RORA: variants seen among roughly 807,000 people sequenced by gnomAD.
RORA encodes the protein nuclear receptor ROR-alpha.
A neutral mutation model predicts 69.5 loss-of-function variants in RORA; 7 were observed. That is an observed-to-expected ratio of 0.10 (90% CI 0.06 to 0.19). The LOEUF (loss-of-function observed/expected upper bound fraction) is 0.19. Among genes scored for constraint, RORA ranks in the 10% least tolerant of loss-of-function variants. RORA has a pLI of 1.00. For missense variants in RORA, 457 were observed against 663.0 expected (o/e 0.69, Z 3.41); for synonymous variants, 261 against 240.8 (o/e 1.08, Z -0.78).
chr15:61,219,146 A>G (rs1185502761), intron 1 of RORA, among the ~76,000 whole-genome samples: 1 of 152,246 alleles, frequency 6.6e-6, no homozygotes, highest in African/African-American at 2.4e-5. Context: ...TTTAATTAAT[A>G]ATAAAAATGC....
chr15:60,605,394 T>C (rs539375331), intron 2 of RORA, among the ~76,000 whole-genome samples: 20 of 152,306 alleles, frequency 1.3e-4, no homozygotes, highest in African/African-American at 4.3e-4. Flanking sequence ...CAAAACCTAT[T>C]GTATCCCTTA....
intron 2 of RORA, among the ~76,000 whole-genome samples, chr15:60,574,214 C>T (rs932426523): frequency 1.9e-4 from 29 of 152,246 alleles, no homozygotes; most frequent in African/African-American, 6.5e-4. Context: ...GGTTGCTCTG[C>T]GTCTCTGAGT....
chr15:60,946,138 G>C (rs973610160), intron 1 of RORA, among the ~76,000 whole-genome samples: 2 of 152,098 alleles, frequency 1.3e-5, no homozygotes, highest in African/African-American at 4.8e-5. Flanking sequence ...GGTGTGCTGA[G>C]GGTGATTCCG....
intron 1 of RORA, among the ~76,000 whole-genome samples, chr15:60,740,077 G>T (rs928159431): frequency 6.6e-6 from 1 of 152,096 alleles, no homozygotes; most frequent in African/African-American, 2.4e-5. Flanking sequence ...AAGGGAGCGG[G>T]GGAAACTGGA....
intron 1 of RORA, among the ~76,000 whole-genome samples, chr15:61,158,291 T>C (rs2079463432): frequency 6.6e-6 from 1 of 152,170 alleles, no homozygotes; most frequent in South Asian, 2.1e-4. Context: ...AACGAAGACC[T>C]GACAGCCTTC....
At chr15:60,545,747 A>C (rs2067049758) in intron 2 of RORA, among the ~76,000 whole-genome samples, 1 of 152,224 alleles carries the variant, frequency 6.6e-6, no homozygotes, top group Non-Finnish European at 1.5e-5. Flanking sequence ...ACTTTTAGAC[A>C]CTGCAAGTTA....
intron 1 of RORA, among the ~76,000 whole-genome samples, chr15:61,068,032 C>G (rs971465014): frequency 1.3e-5 from 2 of 152,216 alleles, no homozygotes; most frequent in African/African-American, 4.8e-5. Context: ...CACTAGGTCT[C>G]TGAACCAAAG....
intron 1 of RORA, among the ~76,000 whole-genome samples, chr15:61,217,034 G>A (rs1270906571): frequency 2.0e-5 from 3 of 152,168 alleles, no homozygotes; most frequent in Non-Finnish European, 4.4e-5. Context: ...ACAAACAAGT[G>A]CAGCTGAGTC....
intron 1 of RORA, among the ~76,000 whole-genome samples, chr15:60,803,549 C>T (rs2072617319): frequency 6.6e-6 from 1 of 152,222 alleles, no homozygotes; most frequent in Non-Finnish European, 1.5e-5. Flanking sequence ...GGGTTCAGAG[C>T]CCACAAGGCA....
At chr15:60,819,761 A>ACACACACACACACACGCG (rs1208897607) in intron 1 of RORA, among the ~76,000 whole-genome samples, 23 of 138,130 alleles carry the variant, frequency 1.7e-4, no homozygotes, top group African/African-American at 2.9e-4. Flanking sequence ...ACACACACAC[A>ACACACACACACACACGCG]CACACACACA....
At chr15:60,888,127 C>T (rs1348942437) in intron 1 of RORA, among the ~76,000 whole-genome samples, 1 of 152,246 alleles carries the variant, frequency 6.6e-6, no homozygotes, top group African/African-American at 2.4e-5. Flanking sequence ...CTCATACATA[C>T]CCGGCCACGG....
intron 2 of RORA, among the ~76,000 whole-genome samples, chr15:60,535,026 CCCTTTG>C (rs1477808515): frequency 6.6e-6 from 1 of 152,172 alleles, no homozygotes; most frequent in Non-Finnish European, 1.5e-5. Flanking sequence ...AATCCCTCTG[CCCTTTG>C]CCTTTCATCG....
intron 1 of RORA, among the ~76,000 whole-genome samples, chr15:60,948,677 T>A (rs746223759): frequency 1.2e-4 from 18 of 152,240 alleles, no homozygotes; most frequent in Non-Finnish European, 2.5e-4. Flanking sequence ...TTGGTGAAGA[T>A]AATAGAAATA....
chr15:60,996,647 A>G (rs982870085), intron 1 of RORA, among the ~76,000 whole-genome samples: 3 of 152,164 alleles, frequency 2.0e-5, no homozygotes, highest in Non-Finnish European at 4.4e-5. Flanking sequence ...ACGATGGCTC[A>G]CACCTGTAAT....
At chr15:60,987,689 G>A (rs1255707607) in intron 1 of RORA, among the ~76,000 whole-genome samples, 2 of 152,166 alleles carry the variant, frequency 1.3e-5, no homozygotes, top group Admixed American at 6.5e-5. Flanking sequence ...TCACTTCTTT[G>A]AAACAGAGAT....
At chr15:60,727,941 A>G (rs1165840923) in intron 1 of RORA, among the ~76,000 whole-genome samples, 1 of 152,164 alleles carries the variant, frequency 6.6e-6, no homozygotes, top group Non-Finnish European at 1.5e-5. Context: ...CTCCTGGCAA[A>G]TACACAGTGG....
intron 1 of RORA, among the ~76,000 whole-genome samples, chr15:60,763,618 G>T (rs1000960454): frequency 8.5e-5 from 13 of 152,092 alleles, no homozygotes; most frequent in Admixed American, 5.2e-4. Context: ...ACACACTTTA[G>T]CATGAACACA....
chr15:61,053,241 T>G (rs763001326), intron 1 of RORA, among the ~76,000 whole-genome samples: 9 of 152,146 alleles, frequency 5.9e-5, no homozygotes, highest in Non-Finnish European at 1.2e-4. Context: ...ACTGTTTGCA[T>G]ACAGCTGTCA....
chr15:60,676,312 T>C (rs1038257979), intron 2 of RORA, among the ~76,000 whole-genome samples: 4 of 152,124 alleles, frequency 2.6e-5, no homozygotes, highest in Non-Finnish European at 5.9e-5. Context: ...ACAAAAACAA[T>C]CTCCATGTTC....
Sources: gnomAD v4.1 joint callset for allele counts (sites outside exome capture counted in the v4.1 genomes callset) on GRCh38, gnomAD v4.1.1 for gene constraint, MANE v1.5 for transcripts, NCBI Gene and HGNC (gene_info 2026-07-23, HGNC 2026-07-21) for gene names.